The following MCU variants were observed in gnomAD, a reference collection of about 807,000 sequenced individuals.
The protein encoded by MCU is mitochondrial calcium uniporter.
MCU carries 12 observed loss-of-function variants against 45.2 expected under a neutral mutation model. The observed-to-expected ratio is 0.27, with a 90% CI of 0.17 to 0.43. The LOEUF is 0.43. Ranked by LOEUF, MCU falls within the 20% of genes least tolerant of loss-of-function variation. The pLI is 1.00. For missense variants in MCU, 324 were observed against 436.7 expected (o/e 0.74, Z 2.30); for synonymous variants, 160 against 165.1 (o/e 0.97, Z 0.24).
intron 1 of MCU, among the ~76,000 whole-genome samples, chr10:72,798,152 C>G (rs1381109937): frequency 2.0e-5 from 3 of 151,980 alleles, no homozygotes; most frequent in Non-Finnish European, 4.4e-5. Context: ...GAAAAATGTG[C>G]CTATAATGCA....
chr10:72,765,268 AT>A (rs902592749), intron 1 of MCU, among the ~76,000 whole-genome samples: 34 of 152,182 alleles, frequency 2.2e-4, no homozygotes, highest in African/African-American at 8.2e-4. Context: ...TGCCCATAAA[AT>A]GTTGCAAAAT....
chr10:72,781,641 A>G (rs1843995650), intron 1 of MCU, among the ~76,000 whole-genome samples: 1 of 152,238 alleles, frequency 6.6e-6, no homozygotes, highest in Non-Finnish European at 1.5e-5. Context: ...CCTGAGAATC[A>G]GTTGAGGCTT....
chr10:72,755,260 T>C (rs1316342466), intron 1 of MCU, among the ~76,000 whole-genome samples: 1 of 151,650 alleles, frequency 6.6e-6, no homozygotes, highest in Non-Finnish European at 1.5e-5. Flanking sequence ...GCAATTCTCC[T>C]GCCTCAGCCA....
chr10:72,860,529 TA>T lies in MCU; in HGVS notation c.496+6del. 6.2e-7 allele frequency: 1 copy of T among 1,608,212 alleles called. No homozygotes were observed. The highest frequency in any genetic ancestry group is 8.5e-7 in the Non-Finnish European group (1 of 1,175,336). On this transcript the variant is annotated splice_donor_region_variant and intron_variant, in intron 4 of 7. Transcript: ENST00000373053. ...ACCACGTACGACCACCAAAAAGAGG[TA>T]AAATAGTAACCTTGGTAAGGTCACA...
chr10:72,704,623 G>A (rs1842796104), intron 1 of MCU, among the ~76,000 whole-genome samples: 2 of 150,224 alleles, frequency 1.3e-5, no homozygotes, highest in South Asian at 2.1e-4. Flanking sequence ...CTGTAGCCTC[G>A]AACTCCTGAG....
intron 1 of MCU, among the ~76,000 whole-genome samples, chr10:72,740,457 G>T (rs1654514577): frequency 6.6e-6 from 1 of 151,986 alleles, no homozygotes; most frequent in South Asian, 2.1e-4. Flanking sequence ...TCTCAGGATG[G>T]GAAGCTCCAT....
At position 72,873,965 on chromosome 10, in the gene MCU, G is replaced by GT. The variant is rs546346939; in HGVS notation, c.861+2390dup. On this transcript the variant is annotated intron_variant, in intron 6 of 7. Coordinates refer to ENST00000373053, the MANE Select transcript of MCU (RefSeq NM_138357.3). ...TTCTGTTTCTTTGGTCTATGTGTCT[G>GT]TTTTTATGCCAGTACCATGCTATTT... Among the ~76,000 whole-genome samples, 156 of 152,220 alleles carry GT rather than the reference G, an allele frequency of 1.0e-3. 1 individual carries two copies. Among genetic ancestry groups the GT allele is most frequent in the Middle Eastern group, 0.01 (3 of 294 alleles).
intron 1 of MCU, among the ~76,000 whole-genome samples, chr10:72,761,819 A>G (rs988894093): frequency 6.6e-6 from 1 of 152,078 alleles, no homozygotes; most frequent in Non-Finnish European, 1.5e-5. Flanking sequence ...ATTGTACCCA[A>G]TATGTAGTTT....
At chr10:72,759,541 C>T (rs1222993165) in intron 1 of MCU, among the ~76,000 whole-genome samples, 1 of 151,970 alleles carries the variant, frequency 6.6e-6, no homozygotes, top group Non-Finnish European at 1.5e-5. Context: ...GTGGTCTCCT[C>T]CCTTAATCTT....
At chr10:72,725,825 A>G (rs1458711286) in intron 1 of MCU, among the ~76,000 whole-genome samples, 1 of 152,168 alleles carries the variant, frequency 6.6e-6, no homozygotes, top group African/African-American at 2.4e-5. Context: ...TGGAGGTTGC[A>G]ATGAGCCAAG....
chr10:72,713,301 C>T (rs548420126), intron 1 of MCU, among the ~76,000 whole-genome samples: 66 of 152,260 alleles, frequency 4.3e-4, no homozygotes, highest in Admixed American at 1.2e-3. Flanking sequence ...GTTTTTGAGA[C>T]GAAGTCTCAC....
chr10:72,751,445 C>T lies in MCU; in HGVS notation c.150+59144C>T, dbSNP rs187071104. 3.1e-3 allele frequency among the ~76,000 whole-genome samples: 434 copies of T among 141,858 alleles called. 1 individual carries two copies. The highest frequency in any genetic ancestry group is 5.1e-3 in the Non-Finnish European group (339 of 66,198). The allele number at this position is 141,858 out of a possible 152,430, so 93.1% of individuals were successfully genotyped here. A position where few individuals can be genotyped will look rare whatever the true frequency, so the allele number is the denominator to read the frequency against. ...TCTTGACTCACTGCAACCTCTGCCT[C>T]CTGGGTTCAAGTGATTTTCGTGCCT... On this transcript the variant is annotated intron_variant, in intron 1 of 7. Transcript: ENST00000373053.
chr10:72,843,026 G>A (rs1845069002), intron 2 of MCU, among the ~76,000 whole-genome samples: 1 of 152,044 alleles, frequency 6.6e-6, no homozygotes, highest in Non-Finnish European at 1.5e-5. Flanking sequence ...GCAGTTTTAT[G>A]TTCACATCCC....
intron 1 of MCU, among the ~76,000 whole-genome samples, chr10:72,719,608 A>C (rs770654901): frequency 1.3e-5 from 2 of 152,206 alleles, no homozygotes; most frequent in Non-Finnish European, 2.9e-5. Context: ...TTTTGGCTTT[A>C]AGGTATCACT....
At chr10:72,814,468 T>TA (rs1844595175) in intron 1 of MCU, among the ~76,000 whole-genome samples, 1 of 152,186 alleles carries the variant, frequency 6.6e-6, no homozygotes, top group Non-Finnish European at 1.5e-5. Flanking sequence ...TAGCTCTTCT[T>TA]ACAATGTAAT....
At chr10:72,839,902 T>C (rs1410602074) in intron 2 of MCU, among the ~76,000 whole-genome samples, 1 of 146,942 alleles carries the variant, frequency 6.8e-6, no homozygotes, top group Non-Finnish European at 1.5e-5. Context: ...AGGCGGAGCT[T>C]GCTGTGAGCT....
chr10:72,845,787 GT>G (rs1019361067), intron 2 of MCU, among the ~76,000 whole-genome samples: 4 of 152,048 alleles, frequency 2.6e-5, no homozygotes, highest in African/African-American at 7.2e-5. Context: ...ATATAGGAGT[GT>G]TTTTTTCTTT....
In MCU at chr10:72,753,517, C is replaced by T. The variant is rs1221542145; in HGVS notation, c.150+61216C>T. ...AGAGAGATTATGATATTAATAGTTA[C>T]AGTTTATTGAGAACCTATTAAGTAC... On this transcript the variant is annotated intron_variant, in intron 1 of 7. Coordinates refer to ENST00000373053, the MANE Select transcript of MCU (RefSeq NM_138357.3). Among the ~76,000 whole-genome samples, 3 of 152,148 alleles carry T rather than the reference C, an allele frequency of 2.0e-5. 1 individual carries two copies. Among genetic ancestry groups the T allele is most frequent in the Non-Finnish European group, 4.4e-5 (3 of 68,034 alleles).
At chr10:72,713,751 T>A (rs1395642892) in intron 1 of MCU, among the ~76,000 whole-genome samples, 1 of 152,192 alleles carries the variant, frequency 6.6e-6, no homozygotes, top group Non-Finnish European at 1.5e-5. Flanking sequence ...GAATTTTTTT[T>A]AATTTAGTAC....
Sources: allele counts gnomAD v4.1 joint callset (sites outside exome capture counted in the v4.1 genomes callset), GRCh38; gene constraint gnomAD v4.1.1; transcripts MANE v1.5; gene names NCBI Gene and HGNC (gene_info 2026-07-23, HGNC 2026-07-21).